Variants in PTOV1 observed in about 807,000 individuals in gnomAD.
The protein encoded by PTOV1 is PTOV1 extended AT-hook containing adaptor protein, also known as prostate tumor-overexpressed gene 1 protein.
PTOV1 carries 20 observed loss-of-function variants against 58.0 expected under a neutral mutation model. The ratio of observed to expected loss-of-function variants is 0.34; its 90% CI spans 0.24 to 0.50. The LOEUF (loss-of-function observed/expected upper bound fraction) is 0.50. Ranked by LOEUF, PTOV1 falls within the 20% of genes least tolerant of loss-of-function variation. The probability of loss-of-function intolerance (pLI) is 0.98; values close to 1 mark genes in which losing one functional copy is unlikely to be tolerated. For missense variants in PTOV1, 593 were observed against 565.4 expected, an observed-to-expected ratio of 1.05 and a Z score of -0.50; for synonymous variants, 335 against 234.2, an observed-to-expected ratio of 1.43 and a Z score of -3.93.
exon 1 of PTOV1, chr19:49,851,216 T>G: frequency 8.6e-7 from 1 of 1,164,652 alleles, no homozygotes; most frequent in Non-Finnish European, 1.1e-6. Flanking sequence ...TTGGTACGGC[T>G]CAGCCCGTCT....
At chr19:49,857,669 T>C in intron 6 of PTOV1, 24 bp from the exon 7 acceptor site, 1 of 1,609,306 alleles carries the variant, frequency 6.2e-7, no homozygotes. Flanking sequence ...GGGCCCCTCT[T>C]CCCACCCCGT....
chr19:49,854,962 G>T lies in PTOV1; in HGVS notation c.451-8G>T. ...GGCTGACCCAGCTGTCTGTCCTGTC[G>T]CCCCCAGACCACCCTGGGCCCCCTG... On this transcript the variant is annotated splice_polypyrimidine_tract_variant and splice_region_variant and intron_variant, in intron 4 of 11. Coordinates refer to ENST00000391842, the Ensembl canonical transcript of PTOV1. The T allele has an allele frequency of 6.3e-7, 1 of 1,595,130 alleles. No homozygotes were observed. Among genetic ancestry groups the T allele is most frequent in the East Asian group, 2.3e-5 (1 of 43,810 alleles).
intron 1 of PTOV1, among the ~76,000 whole-genome samples, chr19:49,853,493 T>TAAAA (rs34050372): frequency 8.8e-6 from 1 of 113,596 alleles, no homozygotes; most frequent in Non-Finnish European, 1.8e-5. Flanking sequence ...CCATCTCTAC[T>TAAAA]AAAAAAAAAA....
At chr19:49,853,832 TCTC>T (rs1288968838) in intron 1 of PTOV1, among the ~76,000 whole-genome samples, 1 of 152,144 alleles carries the variant, frequency 6.6e-6, no homozygotes, top group African/African-American at 2.4e-5. Context: ...TTTCTTGTCA[TCTC>T]CTTCCTGCCT....
At chr19:49,851,117 C>T, upstream of PTOV1, 2 of 1,356,750 alleles carry the variant, frequency 1.5e-6, no homozygotes, top group South Asian at 1.7e-5. Flanking sequence ...GCCACGCCCC[C>T]TCGGACGCGC....
At chr19:49,854,345 G>A (rs2122196175) in intron 1 of PTOV1, 61 bp from the exon 2 acceptor site, 2 of 1,564,136 alleles carry the variant, frequency 1.3e-6, no homozygotes, top group South Asian at 1.2e-5. Context: ...GGTGTGTGGG[G>A]ACTGCCTGTC....
chr19:49,858,471 C>A, intron 9 of PTOV1, 78 bp from the exon 10 acceptor site: 2 of 1,211,926 alleles, frequency 1.7e-6, no homozygotes, highest in Middle Eastern at 2.1e-4. Context: ...GTCCTGGGCC[C>A]GGGGGACTCA....
intron 5 of PTOV1, chr19:49,856,082 C>T (rs552984874): frequency 1.3e-5 from 2 of 152,332 alleles, no homozygotes; most frequent in East Asian, 3.9e-4. Flanking sequence ...TAGGGCCTCC[C>T]TTCTCCCTCA....
intron 6 of PTOV1, 81 bp from the exon 7 acceptor site, chr19:49,857,612 G>A (rs78333082): frequency 0.011 from 14,319 of 1,327,932 alleles, 133 homozygotes; most frequent in Middle Eastern, 0.04. Flanking sequence ...GGCTCGGAGG[G>A]AGGGATGGCA....
upstream of PTOV1, chr19:49,851,090 C>A: frequency 7.0e-7 from 1 of 1,428,480 alleles, no homozygotes; most frequent in South Asian, 1.4e-5. Flanking sequence ...TCCCCCGCGC[C>A]GCCTTGGTAC....
chr19:49,860,124 A>C, exon 11 of PTOV1: 1 of 1,614,190 alleles, frequency 6.2e-7, no homozygotes, highest in Non-Finnish European at 8.5e-7. Flanking sequence ...CCGGCGTGTC[A>C]TTGCCAACCA....
rs368113668 is a variant in PTOV1 at position 49,858,012 on chromosome 19, A to G, written c.878+35A>G. The G allele has an allele frequency of 3.1e-6, 5 of 1,613,130 alleles. No homozygotes were observed. The African/African-American group carries it at 6.7e-5, about 22-fold the overall frequency. On this transcript the variant is annotated intron_variant, in intron 8 of 11. Coordinates refer to ENST00000391842, the Ensembl canonical transcript of PTOV1. ...GGGCTGGGGGGTGGAGGCAGCATCC[A>G]GGGGAGCTGGGGCTTCCTGACCCTC...
chr19:49,859,531 C>T (rs2074648579), intron 10 of PTOV1, among the ~76,000 whole-genome samples: 1 of 151,450 alleles, frequency 6.6e-6, no homozygotes, highest in Non-Finnish European at 1.5e-5. Flanking sequence ...GAGATCATGC[C>T]ATTGTACTCC....
chr19:49,855,063 A>C (rs745781318), exon 5 of PTOV1: 11 of 1,594,782 alleles, frequency 6.9e-6, no homozygotes, highest in Non-Finnish European at 9.4e-6. Flanking sequence ...CTGCCGCATC[A>C]TGGGCAACGG....
chr19:49,854,315 T>C, intron 1 of PTOV1, 91 bp from the exon 2 acceptor site: 1 of 1,496,556 alleles, frequency 6.7e-7, no homozygotes, highest in Non-Finnish European at 9.0e-7. Flanking sequence ...TGGGGCTGAA[T>C]ATTGGGACGT....
exon 8 of PTOV1, chr19:49,857,968 G>A: frequency 6.2e-7 from 1 of 1,613,636 alleles, no homozygotes; most frequent in Non-Finnish European, 8.5e-7. Flanking sequence ...GTGAACCAGG[G>A]GGAGATCCTG....
chr19:49,851,623 T>G, intron 1 of PTOV1, 124 bp downstream of exon 1: 1 of 1,032,960 alleles, frequency 9.7e-7, no homozygotes, highest in Non-Finnish European at 1.2e-6. Context: ...CGAAGGGTGG[T>G]CCCGCCCGGG....
At chr19:49,854,772 G>A (rs372605957) in intron 3 of PTOV1, 38 bp downstream of exon 3, 38 of 1,613,086 alleles carry the variant, frequency 2.4e-5, no homozygotes, top group Non-Finnish European at 3.2e-5. Context: ...CGGTGGCAGG[G>A]GCAGTGGCTG....
intron 10 of PTOV1, among the ~76,000 whole-genome samples, chr19:49,859,681 G>A (rs1368123459): frequency 2.6e-5 from 4 of 152,234 alleles, no homozygotes; most frequent in Non-Finnish European, 4.4e-5. Context: ...CTGAGTTGAA[G>A]CCATGGCCGG....
Sources: gnomAD v4.1 joint callset for allele counts (sites outside exome capture counted in the v4.1 genomes callset) on GRCh38, gnomAD v4.1.1 for gene constraint, MANE v1.5 for transcripts, NCBI Gene and HGNC (gene_info 2026-07-23, HGNC 2026-07-21) for gene names.